Variants in NSD2 observed in about 807,000 individuals in gnomAD.
NSD2 encodes the protein histone-lysine N-methyltransferase NSD2.
NSD2 carries 12 observed loss-of-function variants against 139.0 expected under a neutral mutation model. The ratio of observed to expected loss-of-function variants is 0.09; its 90% CI spans 0.06 to 0.14. NSD2 has a LOEUF of 0.14. NSD2 is among the 10% of genes least tolerant of loss of function. The pLI, the probability that NSD2 is intolerant of heterozygous loss-of-function variation, is 1.00. For missense variants in NSD2, 1,155 were observed against 1,745.0 expected, an observed-to-expected ratio of 0.66 and a Z score of 6.02; for synonymous variants, 669 against 648.7, an observed-to-expected ratio of 1.03 and a Z score of -0.48.
chr4:1,923,951 C>T (rs950708582), intron 5 of NSD2, among the ~76,000 whole-genome samples: 1 of 152,174 alleles, frequency 6.6e-6, no homozygotes, highest in Non-Finnish European at 1.5e-5. Context: ...CCTTTCTCTG[C>T]GTCCATCTAA....
At chr4:1,946,391 C>A in intron 9 of NSD2, 4 of 446,478 alleles carry the variant, frequency 9.0e-6, no homozygotes, top group Non-Finnish European at 1.2e-5. Context: ...CCTCAGCCTC[C>A]CGAGTAGCTG....
chr4:1,970,587 A>G (rs2109006497), intron 18 of NSD2, among the ~76,000 whole-genome samples: 1 of 152,230 alleles, frequency 6.6e-6, no homozygotes, highest in South Asian at 2.1e-4. Flanking sequence ...GAGCAGGGAG[A>G]AAGGAGGGTA....
chr4:1,918,078 GA>G, intron 4 of NSD2, 62 bp from the exon 5 acceptor site: 1 of 1,546,262 alleles, frequency 6.5e-7, no homozygotes, highest in Non-Finnish European at 8.7e-7. Flanking sequence ...ATGTGCCTAG[GA>G]AAAGTAGTTA....
chr4:1,909,086 A>AT (rs1366323593), intron 3 of NSD2, among the ~76,000 whole-genome samples: 5 of 152,118 alleles, frequency 3.3e-5, no homozygotes, highest in African/African-American at 1.2e-4. Context: ...AAAGAGTTAT[A>AT]TATTTTAGTT....
At chr4:1,936,667 C>CAAA (rs879590049) in intron 7 of NSD2, among the ~76,000 whole-genome samples, 4 of 52,448 alleles carry the variant, frequency 7.6e-5, no homozygotes, top group Non-Finnish European at 1.4e-4. Flanking sequence ...GACTCCATCT[C>CAAA]AAAAAAAAAA....
intron 3 of NSD2, 140 bp downstream of exon 3, chr4:1,904,518 C>G (rs878899578): frequency 4.1e-5 from 36 of 878,346 alleles, no homozygotes; most frequent in Non-Finnish European, 6.0e-5. Flanking sequence ...GTGATTGATT[C>G]AAGTGTGATG....
chr4:1,942,667 T>C lies in NSD2; in HGVS notation c.1881+2889T>C, dbSNP rs1723218207. 3 of 1,161,680 alleles carry C rather than the reference T, an allele frequency of 2.6e-6. No homozygotes were observed. Among genetic ancestry groups the C allele is most frequent in the Middle Eastern group, 7.2e-4 (2 of 2,766 alleles). The allele number at this position is 1,161,680 out of a possible 1,614,324, so 72.0% of individuals were successfully genotyped here. ...ATGTAGATTTCAAGTTGAAAGGCAG[T>C]CCCTTTAGTTGGGGGCTGTCCAGAG... On this transcript the variant is annotated intron_variant, in intron 9 of 21. Coordinates refer to ENST00000508803, the MANE Select transcript of NSD2 (RefSeq NM_001042424.3). The surrounding 1 kb of genome is among the most constrained non-coding windows in gnomAD (Gnocchi z 4.0).
At chr4:1,908,005 C>T (rs1347002779) in intron 3 of NSD2, among the ~76,000 whole-genome samples, 5 of 152,164 alleles carry the variant, frequency 3.3e-5, no homozygotes, top group Admixed American at 1.3e-4. Flanking sequence ...CAGCACCAGC[C>T]GCATTTCGGG....
chr4:1,981,370 G>T lies in NSD2; in HGVS notation c.*2461G>T, dbSNP rs776707784. ...CCAGCTGTGACCGTGGGTGTGGCTG[G>T]CTCTCGGCCCTGCCCAGCTTTGTTC... On this transcript the variant is annotated 3_prime_UTR_variant, in exon 22 of 22. Transcript: ENST00000508803. The T allele has an allele frequency of 4.3e-6, 1 of 233,488 alleles. No individual in the cohort carries two copies. Among genetic ancestry groups the T allele is most frequent in the Non-Finnish European group, 8.5e-6 (1 of 118,196 alleles). 14.5% of individuals were successfully genotyped at this position (233,488 alleles called of 1,614,324 possible).
Position 1,978,797 on chromosome 4 carries a change from G to T in NSD2, c.3986G>T (p.Gly1329Val), listed in dbSNP as rs1161045853. Reference protein sequence around the residue: ...GRSYCCEHDLGAASVRSTKTE... With the variant: ...GRSYCCEHDLVAASVRSTKTE... ...TCCTACTGCTGTGAGCATGACTTAG[G>T]GGCGGCATCGGTCAGAAGCACCAAG... The change falls in exon 22 of 22, where the codon GGG becomes GTG. Residue 1329 changes from glycine (G) to valine (V), a missense_variant. Coordinates refer to ENST00000508803, the MANE Select transcript of NSD2 (RefSeq NM_001042424.3). The T allele has an allele frequency of 6.2e-7, 1 of 1,612,680 alleles. No homozygotes were observed. Among genetic ancestry groups the T allele is most frequent in the Non-Finnish European group, 8.5e-7 (1 of 1,179,026 alleles).
At chr4:1,885,694 A>C in intron 1 of NSD2, among the ~76,000 whole-genome samples, 1 of 151,020 alleles carries the variant, frequency 6.6e-6, no homozygotes, top group East Asian at 1.9e-4. Flanking sequence ...TGCCCCTCTC[A>C]GGAGCTGTTA....
Position 1,974,973 on chromosome 4 carries a change from G to A in NSD2, c.3483G>A (p.Val1161=). Residue 1161 remains valine, a synonymous_variant, in exon 19 of 22, where the codon GTG becomes GTA. Transcript: ENST00000508803. This position sits in a 1 kb window ranked among gnomAD's most constrained non-coding sequence, Gnocchi z 4.0. ...LKWTVNGDTR[V]GLFAVCDIPA... ...GGACAGTGAATGGGGACACTCGTGT[G>A]GGCCTGTTTGCCGTCTGTGACATTC... 7.4e-6 allele frequency: 12 copies of A among 1,614,170 alleles called. No homozygotes were observed. Among genetic ancestry groups the A allele is most frequent in the Non-Finnish European group, 1.0e-5 (12 of 1,180,034 alleles).
intron 3 of NSD2, among the ~76,000 whole-genome samples, chr4:1,907,950 G>T: frequency 6.6e-6 from 1 of 152,082 alleles, no homozygotes; most frequent in Admixed American, 6.6e-5. Flanking sequence ...TCGTGGCACT[G>T]TTACCCCCAA....
chr4:1,976,707 C>G lies in NSD2; in HGVS notation c.3826+28C>G. ...GGGTGTGCAGCCTCGCGGTGGCTTGCAGCTGTGTCTGTGTGGCAGGCTCCT... is the reference window on the plus strand; with the variant it reads ...GGGTGTGCAGCCTCGCGGTGGCTTGGAGCTGTGTCTGTGTGGCAGGCTCCT... On this transcript the variant is annotated intron_variant, in intron 21 of 21. Transcript: ENST00000508803. This position sits in a 1 kb window ranked among gnomAD's most constrained non-coding sequence, Gnocchi z 5.3. The G allele has an allele frequency of 6.5e-7, 1 of 1,543,874 alleles. No individual in the cohort carries two copies. Among genetic ancestry groups the G allele is most frequent in the Non-Finnish European group, 8.7e-7 (1 of 1,143,154 alleles).
At chr4:1,889,531 T>G (rs1044470887) in intron 1 of NSD2, among the ~76,000 whole-genome samples, 6 of 151,958 alleles carry the variant, frequency 3.9e-5, no homozygotes, top group African/African-American at 1.5e-4. Context: ...GTCGGAGTTT[T>G]GCTGTTGTTT....
intron 9 of NSD2, chr4:1,945,604 C>G: frequency 9.4e-7 from 1 of 1,065,026 alleles, no homozygotes; most frequent in Non-Finnish European, 1.1e-6. Flanking sequence ...CCTGTGATGG[C>G]AGGGCTGTGA....
chr4:1,887,352 G>A (rs983619432), intron 1 of NSD2: 1 of 152,140 alleles, frequency 6.6e-6, no homozygotes, highest in Non-Finnish European at 1.5e-5. Flanking sequence ...CCCTTGCTCA[G>A]TTATAGCAAG....
In NSD2 at chr4:1,963,255, G is replaced by A. The variant is rs889582109; in HGVS notation, c.3372+2104G>A. Among the ~76,000 whole-genome samples, 10 of 152,226 alleles carry A rather than the reference G, an allele frequency of 6.6e-5. No individual in the cohort carries two copies. In the East Asian group the frequency reaches 9.6e-4, roughly 15 times the overall value. ...TACACAGCGCCTCTAGGACCATGGC[G>A]TGTAGAGCAGGCAGGAGCTTGTGTT... On this transcript the variant is annotated intron_variant, in intron 18 of 21. Transcript: ENST00000508803.
At chr4:1,876,518 C>G (rs930533495) in intron 1 of NSD2, among the ~76,000 whole-genome samples, 1 of 151,938 alleles carries the variant, frequency 6.6e-6, no homozygotes, top group Non-Finnish European at 1.5e-5. Context: ...TAGGGAGACC[C>G]CATCTCTACA....
Sources: allele counts gnomAD v4.1 joint callset (sites outside exome capture counted in the v4.1 genomes callset), GRCh38; gene constraint gnomAD v4.1.1; non-coding constraint Gnocchi (gnomAD v3.1); transcripts MANE v1.5; gene names NCBI Gene and HGNC (gene_info 2026-07-23, HGNC 2026-07-21).